The following MTOR variants were observed in gnomAD, a reference collection of about 807,000 sequenced individuals.
The protein encoded by MTOR is mechanistic target of rapamycin kinase, also known as serine/threonine-protein kinase mTOR.
In MTOR, 70 loss-of-function variants were observed where a neutral mutation model predicts 319.8. The ratio of observed to expected loss-of-function variants is 0.22; its 90% CI spans 0.18 to 0.27. MTOR has a LOEUF of 0.27. MTOR is among the 10% of genes least tolerant of loss of function. The probability of loss-of-function intolerance (pLI) is 1.00; values close to 1 mark genes in which losing one functional copy is unlikely to be tolerated. For missense variants in MTOR, 1,890 were observed against 3,274.4 expected (o/e 0.58, Z 10.32); for synonymous variants, 1,183 against 1,211.4 (o/e 0.98, Z 0.49).
In MTOR at chr1:11,199,209, AGAG is replaced by A; in HGVS notation, c.4253+46_4253+48del. 1 of 1,613,144 alleles carries A rather than the reference AGAG, an allele frequency of 6.2e-7. No homozygotes were observed. Among genetic ancestry groups the A allele is most frequent in the Middle Eastern group, 1.7e-4 (1 of 6,056 alleles). ...AAGTGGCACCAGGCAGTGGGAGAAG[AGAG>A]GTCATTTTGCATGAAGGCAGCAATT... On this transcript the variant is annotated intron_variant, in intron 28 of 57. Coordinates refer to ENST00000361445, the MANE Select transcript of MTOR (RefSeq NM_004958.4). The surrounding 1 kb of genome is among the most constrained non-coding windows in gnomAD (Gnocchi z 4.5).
intron 36 of MTOR, chr1:11,139,070 A>T (rs1226307731): frequency 2.0e-6 from 1 of 501,554 alleles, no homozygotes; most frequent in African/African-American, 2.2e-5. Flanking sequence ...ATACAAATAC[A>T]TATAACTGTG....
At chr1:11,168,256 C>T (rs1255833285) in intron 28 of MTOR, among the ~76,000 whole-genome samples, 1 of 150,160 alleles carries the variant, frequency 6.7e-6, no homozygotes, top group African/African-American at 2.5e-5. Context: ...GTTGTCCAGG[C>T]TGGTCTCGGA....
Position 11,256,169 on chromosome 1 carries a change from G to T in MTOR, c.528C>A (p.Ala176=). ...GGAAGAAGAAGGTAGGGACGCTGATGGCCAGCTCACGGAGAACCAGGACCT... is the reference window on the plus strand; with the variant it reads ...GGAAGAAGAAGGTAGGGACGCTGATTGCCAGCTCACGGAGAACCAGGACCT... ...HAAVLVLREL[A]ISVPTFFFQQ... is the part of the protein sequence containing the mutation. Residue 176 remains alanine (A), a synonymous_variant, in exon 5 of 58, where the codon GCC becomes GCA. Transcript: ENST00000361445. The T allele has an allele frequency of 6.2e-7, 1 of 1,614,068 alleles. No homozygotes were observed. The highest frequency in any genetic ancestry group is 8.5e-7 in the Non-Finnish European group (1 of 1,179,998).
At chr1:11,148,728 C>T (rs1407902361) in intron 31 of MTOR, among the ~76,000 whole-genome samples, 4 of 151,910 alleles carry the variant, frequency 2.6e-5, no homozygotes, top group African/African-American at 9.7e-5. Context: ...GGTGAAACCC[C>T]GTCTCTACTA....
Position 11,210,809 on chromosome 1 carries a change from T to C in MTOR, c.3654+5A>G, listed in dbSNP as rs1296257918. 1 of 1,600,600 alleles carries C rather than the reference T, an allele frequency of 6.2e-7. No individual in the cohort carries two copies. The highest frequency in any genetic ancestry group is 1.7e-5 in the Admixed American group (1 of 59,310). ...ACTTCAGAACAGAAAAGAAGTATAG[T>C]TCACCTTGACAATTCTGCAGATGAG... is the stretch of plus-strand genomic sequence containing the variant. On this transcript the variant is annotated splice_donor_5th_base_variant and intron_variant, in intron 24 of 57. Transcript: ENST00000361445.
intron 19 of MTOR, among the ~76,000 whole-genome samples, chr1:11,226,774 C>A (rs1646851845): frequency 6.6e-6 from 1 of 152,054 alleles, no homozygotes; most frequent in Admixed American, 6.6e-5. Context: ...CAGAGCTAGA[C>A]CCTATCTCAA....
rs554746603 is a variant in MTOR, at chr1:11,115,099, C to G, written c.7090-212G>C. On this transcript the variant is annotated intron_variant, in intron 51 of 57. Transcript: ENST00000361445. The surrounding 1 kb of genome is among the most constrained non-coding windows in gnomAD (Gnocchi z 4.5). Reference sequence around the variant, plus strand: ...ACGAACAACAGAAAAGAAGAGAAAACAAAAAGGAAAAAAGACAAATGTGCA... The same window carrying G: ...ACGAACAACAGAAAAGAAGAGAAAAGAAAAAGGAAAAAAGACAAATGTGCA... Among the ~76,000 whole-genome samples, 1 of 151,580 alleles carries G rather than the reference C, an allele frequency of 6.6e-6. No individual in the cohort carries two copies. The highest frequency in any genetic ancestry group is 1.9e-4 in the East Asian group (1 of 5,166).
intron 28 of MTOR, among the ~76,000 whole-genome samples, chr1:11,172,726 G>A (rs1336126624): frequency 6.6e-6 from 1 of 151,868 alleles, no homozygotes; most frequent in Non-Finnish European, 1.5e-5. Context: ...AAAGTTAGTG[G>A]AGCGTGGTGG....
intron 23 of MTOR, 34 bp from the exon 24 acceptor site, chr1:11,210,940 C>A (rs775648236): frequency 7.5e-7 from 1 of 1,340,420 alleles, no homozygotes; most frequent in Admixed American, 1.8e-5. Flanking sequence ...GAGAAACTAT[C>A]ATTTTGGAGA....
intron 11 of MTOR, among the ~76,000 whole-genome samples, chr1:11,240,058 T>G (rs1164396139): frequency 6.6e-6 from 1 of 152,170 alleles, no homozygotes; most frequent in African/African-American, 2.4e-5. Flanking sequence ...CTCTGAAGCA[T>G]TATTTCCTTG....
In MTOR at chr1:11,194,893, A is replaced by G. The variant is rs200021298; in HGVS notation, c.4253+4365T>C. The G allele has an allele frequency of 8.1e-6, 13 of 1,614,096 alleles. No individual in the cohort carries two copies. The highest frequency in any genetic ancestry group is 5.0e-5 in the Admixed American group (3 of 60,016). On this transcript the variant is annotated intron_variant, in intron 28 of 57. Coordinates refer to ENST00000361445, the MANE Select transcript of MTOR (RefSeq NM_004958.4). Reference sequence around the variant, plus strand: ...AACTGCTGCACAGACTCCAACCTCAATGGAGTGTACTACCGCCTGGGTGAG... The same window carrying G: ...AACTGCTGCACAGACTCCAACCTCAGTGGAGTGTACTACCGCCTGGGTGAG...
chr1:11,129,660 A>G lies in MTOR; in HGVS notation c.5714+78T>C, dbSNP rs77575504. 21 of 1,298,942 alleles carry G rather than the reference A, an allele frequency of 1.6e-5. No individual in the cohort carries two copies. The East Asian group carries it at 5.0e-4, about 31-fold the overall frequency. 80.5% of individuals were successfully genotyped at this position (1,298,942 alleles called of 1,614,324 possible). A position where few individuals can be genotyped will look rare whatever the true frequency, so the allele number is the denominator to read the frequency against. On this transcript the variant is annotated intron_variant, in intron 40 of 57. Transcript: ENST00000361445. The surrounding 1 kb of genome is among the most constrained non-coding windows in gnomAD (Gnocchi z 4.7). Reference sequence around the variant, plus strand: ...GTCCTGATCAGGGTCAGGAAGGGAAAGAGGACTTTTACGTGTGACTTCTAG... The same window carrying G: ...GTCCTGATCAGGGTCAGGAAGGGAAGGAGGACTTTTACGTGTGACTTCTAG...
At chr1:11,236,781 G>A (rs1360595376) in intron 13 of MTOR, among the ~76,000 whole-genome samples, 2 of 152,146 alleles carry the variant, frequency 1.3e-5, no homozygotes, top group Non-Finnish European at 2.9e-5. Context: ...AAAGTGCTGG[G>A]ATTACAGGCA....
In MTOR at chr1:11,109,719, G is replaced by A. The variant is rs751449358; in HGVS notation, c.7377C>T (p.Asp2459=). ...GGGCTGGCTCTCCAAGTTCCACACCGTCCAAAATTTCTATGGGAAAAGAAA... is the reference window on the plus strand; with the variant it reads ...GGGCTGGCTCTCCAAGTTCCACACCATCCAAAATTTCTATGGGAAAAGAAA... ...YSAGQSVEIL[D]GVELGEPAHK... Residue 2459 remains aspartate, a synonymous_variant, in exon 55 of 58, where the codon GAC becomes GAT. Coordinates refer to ENST00000361445, the MANE Select transcript of MTOR (RefSeq NM_004958.4). The surrounding 1 kb of genome is among the most constrained non-coding windows in gnomAD (Gnocchi z 4.0). The A allele has an allele frequency of 6.2e-6, 10 of 1,613,844 alleles. No homozygotes were observed. Among genetic ancestry groups the A allele is most frequent in the African/African-American group, 4.0e-5 (3 of 74,894 alleles).
intron 13 of MTOR, among the ~76,000 whole-genome samples, chr1:11,236,309 G>A (rs958358480): frequency 2.0e-5 from 3 of 151,772 alleles, no homozygotes; most frequent in Non-Finnish European, 2.9e-5. Context: ...GCTAACTTTC[G>A]TATATTTTGT....
Position 11,196,257 on chromosome 1 carries a change from C to T in MTOR, c.4253+3001G>A, listed in dbSNP as rs373013044. ...CTTAGGATAGAGAAGCAAAAACAGGCCAGCAGACCTTACCCTAATGCTCGG... is the reference window on the plus strand; with the variant it reads ...CTTAGGATAGAGAAGCAAAAACAGGTCAGCAGACCTTACCCTAATGCTCGG... On this transcript the variant is annotated intron_variant, in intron 28 of 57. Coordinates refer to ENST00000361445, the MANE Select transcript of MTOR (RefSeq NM_004958.4). Among the ~76,000 whole-genome samples, 274 of 152,264 alleles carry T rather than the reference C, an allele frequency of 1.8e-3. 2 individuals are homozygous for T. Among genetic ancestry groups the T allele is most frequent in the South Asian group, 5.2e-3 (25 of 4,822 alleles).
chr1:11,162,813 C>T (rs1033464504), intron 29 of MTOR, among the ~76,000 whole-genome samples: 2 of 152,162 alleles, frequency 1.3e-5, no homozygotes, highest in Non-Finnish European at 2.9e-5. Context: ...ACAACCGGTA[C>T]CAGCCACTCC....
chr1:11,128,553 C>T lies in MTOR; in HGVS notation c.5812-1G>A. 6.2e-7 allele frequency: 1 copy of T among 1,613,936 alleles called. No homozygotes were observed. Among genetic ancestry groups the T allele is most frequent in the Non-Finnish European group, 8.5e-7 (1 of 1,179,828 alleles). ...TTCTTGCAATGAGCTGAGGTATAAC[C>T]TGGTATTCAAAAAGACACAGTATGT... is the stretch of plus-strand genomic sequence containing the variant. On this transcript the variant is annotated splice_acceptor_variant, in intron 41 of 57. Transcript: ENST00000361445. LOFTEE classifies it high-confidence loss of function. This position sits in a 1 kb window ranked among gnomAD's most constrained non-coding sequence, Gnocchi z 5.3.
intron 47 of MTOR, 81 bp downstream of exon 47, chr1:11,124,417 T>C: frequency 6.5e-7 from 1 of 1,530,340 alleles, no homozygotes; most frequent in Non-Finnish European, 8.9e-7. Context: ...TGTTAAGATA[T>C]AATACATGAC....
Sources: allele counts gnomAD v4.1 joint callset (sites outside exome capture counted in the v4.1 genomes callset), GRCh38; gene constraint gnomAD v4.1.1; non-coding constraint Gnocchi (gnomAD v3.1); transcripts MANE v1.5; gene names NCBI Gene and HGNC (gene_info 2026-07-23, HGNC 2026-07-21).